Variants in TMEM131 observed in about 807,000 individuals in gnomAD.
TMEM131 encodes 2610524E03Rik.
In TMEM131, 66 loss-of-function variants were observed where a neutral mutation model predicts 211.6. The ratio of observed to expected loss-of-function variants is 0.31; its 90% CI spans 0.26 to 0.38. TMEM131 has a LOEUF of 0.38. TMEM131 is among the 10% of genes least tolerant of loss of function. The pLI is 1.00. For synonymous variants in TMEM131, 844 were observed against 841.3 expected (o/e 1.00, Z -0.06); for missense variants, 2,036 against 2,299.3 (o/e 0.89, Z 2.34).
intron 1 of TMEM131, among the ~76,000 whole-genome samples, chr2:97,974,367 C>T (rs1269149521): frequency 1.3e-5 from 2 of 151,988 alleles, no homozygotes; most frequent in Non-Finnish European, 2.9e-5. Context: ...TGTCTAATGC[C>T]TGCAGAACTG....
intron 3 of TMEM131, among the ~76,000 whole-genome samples, chr2:97,905,906 G>A (rs941088540): frequency 3.9e-5 from 6 of 152,188 alleles, no homozygotes; most frequent in African/African-American, 7.2e-5. Context: ...TCCTCTGGCC[G>A]TTAAACACAC....
chr2:97,773,395 C>T (rs189993061), intron 32 of TMEM131, among the ~76,000 whole-genome samples: 71 of 152,266 alleles, frequency 4.7e-4, no homozygotes, highest in Non-Finnish European at 5.4e-4. Context: ...GCATGGACCT[C>T]TGCTGGGGGA....
intron 11 of TMEM131, among the ~76,000 whole-genome samples, chr2:97,831,664 C>CTTTTTTTTTTTTTTTTTTTTTTTTTT (rs11378393): frequency 1.2e-5 from 1 of 80,614 alleles, no homozygotes; most frequent in Non-Finnish European, 2.2e-5. Context: ...TCACATACCT[C>CTTTTTTTTTTTTTTTTTTTTTTTTTT]TTTTTTTTTT....
rs762403152 is a variant in TMEM131, at chr2:97,797,379, T to C, written c.2856A>G (p.Ser952=). 2 of 1,607,142 alleles carry C rather than the reference T, an allele frequency of 1.2e-6. No individual in the cohort carries two copies. Among genetic ancestry groups the C allele is most frequent in the South Asian group, 2.2e-5 (2 of 89,990 alleles). Residue 952 remains serine (S), a synonymous_variant, in exon 26 of 41, where the codon TCA becomes TCG. Coordinates refer to ENST00000186436, the MANE Select transcript of TMEM131 (RefSeq NM_015348.2). ...FTPVHNRTVS[S]LIIVRNNLTV... is the part of the protein sequence containing the mutation. ...ACAGAACCTACCTGACTATGATAAG[T>C]GAAGAAACAGTTCTGTTGTGAACTG... is the stretch of plus-strand genomic sequence containing the variant.
chr2:97,792,797 T>C lies in TMEM131; in HGVS notation c.3733A>G (p.Ser1245Gly). ...GAAGCTGCTTGAGCAGAAGTCCTACTAGAGGTACTTGAACTGTTTTTGGCT... is the reference window on the plus strand; with the variant it reads ...GAAGCTGCTTGAGCAGAAGTCCTACCAGAGGTACTTGAACTGTTTTTGGCT... ...VRAKNSSSTSSRTSAQAASSQ... is the reference protein window; with the variant it reads ...VRAKNSSSTSGRTSAQAASSQ... Residue 1245 changes from serine (S) to glycine (G), a missense_variant, in exon 31 of 41, where the codon AGT becomes GGT. This residue lies in a region of TMEM131 where 1,623 missense variants were observed against 1,805.9 expected (regional missense o/e 0.90). Transcript: ENST00000186436. 1 of 1,614,042 alleles carries C rather than the reference T, an allele frequency of 6.2e-7. No individual in the cohort carries two copies. Among genetic ancestry groups the C allele is most frequent in the Non-Finnish European group, 8.5e-7 (1 of 1,179,892 alleles).
At chr2:97,878,377 T>G (rs988637349) in intron 4 of TMEM131, among the ~76,000 whole-genome samples, 9 of 152,098 alleles carry the variant, frequency 5.9e-5, no homozygotes, top group African/African-American at 2.2e-4. Context: ...TATAAATCAT[T>G]CTACTATAAA....
intron 5 of TMEM131, among the ~76,000 whole-genome samples, chr2:97,849,030 C>T (rs1683575675): frequency 6.6e-6 from 1 of 152,076 alleles, no homozygotes. Flanking sequence ...CCAAAGAAAA[C>T]ATATGGATGG....
chr2:97,893,291 T>A (rs561660922), intron 3 of TMEM131, among the ~76,000 whole-genome samples: 1 of 143,588 alleles, frequency 7.0e-6, no homozygotes, highest in African/African-American at 2.7e-5. Context: ...CACTCTATCT[T>A]TGATGGACAT....
intron 2 of TMEM131, among the ~76,000 whole-genome samples, chr2:97,909,553 G>A (rs1049712675): frequency 6.6e-6 from 1 of 152,156 alleles, no homozygotes; most frequent in Admixed American, 6.6e-5. Flanking sequence ...ACGAGAAAAT[G>A]CCAATGCTAT....
At chr2:97,792,073 A>G (rs1680520764) in intron 31 of TMEM131, among the ~76,000 whole-genome samples, 1 of 152,244 alleles carries the variant, frequency 6.6e-6, no homozygotes, top group Admixed American at 6.5e-5. Context: ...CCTGTGCTCA[A>G]AATTATTTTA....
At chr2:97,868,298 G>GTCTA (rs200522031) in intron 4 of TMEM131, among the ~76,000 whole-genome samples, 98 of 151,824 alleles carry the variant, frequency 6.5e-4, no homozygotes, top group Admixed American at 2.0e-3. Flanking sequence ...ACTTGTCTAT[G>GTCTA]TCTATCTATC....
At chr2:97,759,792 G>A (rs574920182) in intron 38 of TMEM131, 43 bp from the exon 39 acceptor site, 1 of 1,457,128 alleles carries the variant, frequency 6.9e-7, no homozygotes, top group South Asian at 1.2e-5. Context: ...AAAATGTATG[G>A]TGGTTAGTGC....
At position 97,841,878 on chromosome 2, in the gene TMEM131, G is replaced by C; in HGVS notation, c.660C>G (p.Val220=). The change falls in exon 7 of 41, where the codon GTC becomes GTG. Residue 220 remains valine, a synonymous_variant. Transcript: ENST00000186436. ...YRLRPFLGAR[V]PVNSSFSPII... ...TAGGTGAGAAACTGCTATTCACAGG[G>C]ACTCTGGCCCCAAGGAACGGCCTCA... 1 of 1,597,774 alleles carries C rather than the reference G, an allele frequency of 6.3e-7. No individual in the cohort carries two copies. Among genetic ancestry groups the C allele is most frequent in the African/African-American group, 1.3e-5 (1 of 74,756 alleles).
At position 97,783,722 on chromosome 2, in the gene TMEM131, T is replaced by C. The variant is rs76454843; in HGVS notation, c.4145-7704A>G. 1.2e-4 allele frequency among the ~76,000 whole-genome samples: 18 copies of C among 150,940 alleles called. No homozygotes were observed. In the East Asian group the frequency reaches 3.5e-3, roughly 30 times the overall value. On this transcript the variant is annotated intron_variant, in intron 31 of 40. Coordinates refer to ENST00000186436, the MANE Select transcript of TMEM131 (RefSeq NM_015348.2). ...GAAAAAGAAAATAGAGAAAACAAAA[T>C]AAAAATAAAATGGTAGATTTAAGTC...
At chr2:97,949,091 A>C (rs1042534164) in intron 1 of TMEM131, among the ~76,000 whole-genome samples, 1 of 152,226 alleles carries the variant, frequency 6.6e-6, no homozygotes, top group Non-Finnish European at 1.5e-5. Context: ...CTTTATTTGT[A>C]ATAGTTCAAA....
chr2:97,850,250 G>A (rs947667477), intron 5 of TMEM131, among the ~76,000 whole-genome samples: 1 of 152,116 alleles, frequency 6.6e-6, no homozygotes, highest in African/African-American at 2.4e-5. Flanking sequence ...CAGATCTTCA[G>A]ATAAAACAAG....
chr2:97,975,431 A>T (rs571495666), intron 1 of TMEM131, among the ~76,000 whole-genome samples: 1 of 152,276 alleles, frequency 6.6e-6, no homozygotes, highest in South Asian at 2.1e-4. Context: ...TTTCAGGAAT[A>T]AGAGAAGTGT....
chr2:97,804,585 T>TG (rs1681197974), intron 22 of TMEM131, among the ~76,000 whole-genome samples: 1 of 136,142 alleles, frequency 7.3e-6, no homozygotes, highest in Non-Finnish European at 1.5e-5. Context: ...ATCACGCCAC[T>TG]GCACTCCAGC....
chr2:97,903,908 C>T (rs546851690), intron 3 of TMEM131, among the ~76,000 whole-genome samples: 2 of 152,006 alleles, frequency 1.3e-5, no homozygotes, highest in Non-Finnish European at 2.9e-5. Flanking sequence ...GGCAATCCAC[C>T]GCCTCAGCTT....
Sources: gnomAD v4.1 joint callset for allele counts (sites outside exome capture counted in the v4.1 genomes callset) on GRCh38, gnomAD v4.1.1 for gene constraint, gnomAD v4.1.1 regional missense constraint, MANE v1.5 for transcripts, NCBI Gene and HGNC (gene_info 2026-07-23, HGNC 2026-07-21) for gene names.